SPAG16: variants seen among roughly 807,000 people sequenced by gnomAD.
SPAG16 encodes the protein sperm-associated antigen 16 protein.
A neutral mutation model predicts 80.4 loss-of-function variants in SPAG16; 86 were observed. The observed-to-expected ratio is 1.07, with a 90% confidence interval of 0.90 to 1.28. SPAG16 has a LOEUF of 1.28. SPAG16 is among the 50% of genes most tolerant of loss of function. The pLI is 0.00. For synonymous variants in SPAG16, 294 were observed against 265.9 expected, an observed-to-expected ratio of 1.11 and a Z score of -1.03; for missense variants, 870 against 765.3, an observed-to-expected ratio of 1.14 and a Z score of -1.61.
chr2:214,271,959 T>C (rs1032074192), intron 15 of SPAG16, among the ~76,000 whole-genome samples: 4 of 152,006 alleles, frequency 2.6e-5, no homozygotes, highest in Admixed American at 6.6e-5. Flanking sequence ...TTTAACTATA[T>C]ATGTGATTCT....
At chr2:213,422,527 G>A in intron 9 of SPAG16, 5 of 480,928 alleles carry the variant, frequency 1.0e-5, no homozygotes, top group South Asian at 6.7e-5. Flanking sequence ...CTACCAGGCC[G>A]AGTGGGCAGA....
intron 13 of SPAG16, among the ~76,000 whole-genome samples, chr2:214,068,477 G>A (rs1576054048): frequency 6.6e-6 from 1 of 152,104 alleles, no homozygotes; most frequent in East Asian, 1.9e-4. Context: ...TACTCATGGA[G>A]GTGGCCATGG....
At chr2:213,976,324 G>A (rs78490342) in intron 12 of SPAG16, among the ~76,000 whole-genome samples, 18,010 of 150,508 alleles carry the variant, frequency 0.12, 1,527 homozygotes, top group African/African-American at 0.25. Context: ...ATATGTGTAC[G>A]CATGTGTGCA....
Position 214,235,491 on chromosome 2 carries a change from C to T in SPAG16, c.1720+86225C>T, listed in dbSNP as rs115759827. Among the ~76,000 whole-genome samples, 821 of 152,188 alleles carry T rather than the reference C, an allele frequency of 5.4e-3. 10 individuals carry two copies. Among genetic ancestry groups the T allele is most frequent in the African/African-American group, 0.018 (762 of 41,534 alleles). ...TAAATATTGAACTTAACTTGTCCTT[C>T]GAGCATTGAGATGTCTTCCACTAAA... On this transcript the variant is annotated intron_variant, in intron 15 of 15. Transcript: ENST00000331683.
chr2:213,704,495 A>C (rs1361221376), intron 10 of SPAG16, among the ~76,000 whole-genome samples: 1 of 152,166 alleles, frequency 6.6e-6, no homozygotes, highest in South Asian at 2.1e-4. Context: ...CTGTCTCTCA[A>C]AGAGATCTGT....
intron 11 of SPAG16, among the ~76,000 whole-genome samples, chr2:213,912,009 T>C (rs2077698306): frequency 6.6e-6 from 1 of 152,104 alleles, no homozygotes; most frequent in African/African-American, 2.4e-5. Flanking sequence ...GATAATAAAA[T>C]AACTACAAAA....
chr2:213,600,350 A>C (rs1456288229), intron 10 of SPAG16, among the ~76,000 whole-genome samples: 1 of 152,112 alleles, frequency 6.6e-6, no homozygotes, highest in Non-Finnish European at 1.5e-5. Context: ...TCAGCCATGG[A>C]TTCTCTGCAT....
intron 10 of SPAG16, among the ~76,000 whole-genome samples, chr2:213,500,001 A>G (rs558924755): frequency 6.6e-6 from 1 of 152,232 alleles, no homozygotes; most frequent in African/African-American, 2.4e-5. Context: ...CTAAATTTTG[A>G]CAGCCAGTTA....
At chr2:214,403,888 A>G (rs1216910709) in intron 15 of SPAG16, among the ~76,000 whole-genome samples, 1 of 152,200 alleles carries the variant, frequency 6.6e-6, no homozygotes, top group Non-Finnish European at 1.5e-5. Context: ...ATGAAATGCA[A>G]TAAGTGCTCA....
intron 10 of SPAG16, among the ~76,000 whole-genome samples, chr2:213,665,218 T>C (rs1232584745): frequency 6.6e-6 from 1 of 152,136 alleles, no homozygotes; most frequent in African/African-American, 2.4e-5. Flanking sequence ...GAGGAGCACA[T>C]GTTATGTTTA....
chr2:213,861,146 A>G (rs1042956579), intron 10 of SPAG16, among the ~76,000 whole-genome samples: 1 of 152,234 alleles, frequency 6.6e-6, no homozygotes, highest in Non-Finnish European at 1.5e-5. Context: ...AAATGAAACA[A>G]TGTTTCACTA....
chr2:214,243,839 A>G (rs1689657126), intron 15 of SPAG16, among the ~76,000 whole-genome samples: 1 of 152,244 alleles, frequency 6.6e-6, no homozygotes, highest in Middle Eastern at 3.4e-3. Context: ...CCTTCTACCC[A>G]TAGCCCTTCT....
chr2:213,916,116 A>C lies in SPAG16; in HGVS notation c.1215-13844A>C, dbSNP rs554347210. On this transcript the variant is annotated intron_variant, in intron 11 of 15. Transcript: ENST00000331683. ...TTGTTGTGCAGAAGCTCTTTAGTTT[A>C]ATTAGATCCTATTAGTCTATTTTGG... 2.1e-4 allele frequency among the ~76,000 whole-genome samples: 32 copies of C among 152,266 alleles called. 1 individual carries two copies. Among genetic ancestry groups the C allele is most frequent in the African/African-American group, 7.0e-4 (29 of 41,556 alleles).
chr2:214,277,783 C>CT (rs1480868490), intron 15 of SPAG16, among the ~76,000 whole-genome samples: 1 of 152,224 alleles, frequency 6.6e-6, no homozygotes, highest in Non-Finnish European at 1.5e-5. Flanking sequence ...CTTGAGGAAG[C>CT]AGTCTGTCCG....
Position 213,925,464 on chromosome 2 carries a change from G to T in SPAG16, c.1215-4496G>T, listed in dbSNP as rs551092021. ...CCTCCTGGGTTCAGGCAATTCTCCTGCCTCAGCCTTCCAAGTAGCTGGGGC... is the reference window on the plus strand; with the variant it reads ...CCTCCTGGGTTCAGGCAATTCTCCTTCCTCAGCCTTCCAAGTAGCTGGGGC... On this transcript the variant is annotated intron_variant, in intron 11 of 15. Transcript: ENST00000331683. Among the ~76,000 whole-genome samples the T allele has an allele frequency of 4.6e-5, 7 of 151,344 alleles. No individual in the cohort carries two copies. The South Asian group carries it at 6.3e-4, about 14-fold the overall frequency.
intron 12 of SPAG16, among the ~76,000 whole-genome samples, chr2:213,969,019 A>G (rs2044872305): frequency 6.6e-6 from 1 of 152,374 alleles, no homozygotes; most frequent in African/African-American, 2.4e-5. Context: ...CTAAGCAAGC[A>G]TAGAAGACTT....
intron 15 of SPAG16, among the ~76,000 whole-genome samples, chr2:214,213,215 A>G (rs2058342386): frequency 1.3e-5 from 2 of 152,202 alleles, no homozygotes; most frequent in Non-Finnish European, 2.9e-5. Flanking sequence ...CATGCACCAT[A>G]TTATGTATTA....
chr2:213,842,791 G>A (rs1163994148), intron 10 of SPAG16, among the ~76,000 whole-genome samples: 1 of 152,118 alleles, frequency 6.6e-6, no homozygotes, highest in Non-Finnish European at 1.5e-5. Flanking sequence ...TTTAGAGACA[G>A]GATCCTGCTC....
At chr2:213,701,016 C>T (rs567304962) in intron 10 of SPAG16, among the ~76,000 whole-genome samples, 9 of 152,018 alleles carry the variant, frequency 5.9e-5, no homozygotes, top group South Asian at 2.1e-4. Context: ...CTGAGGCAGG[C>T]GGATCACTAG....
Sources: allele counts gnomAD v4.1 joint callset (sites outside exome capture counted in the v4.1 genomes callset), GRCh38; gene constraint gnomAD v4.1.1; transcripts MANE v1.5; gene names NCBI Gene and HGNC (gene_info 2026-07-23, HGNC 2026-07-21).